The following SLCO6A1 variants were observed in gnomAD, a reference collection of about 807,000 sequenced individuals.
SLCO6A1 encodes solute carrier organic anion transporter family member 6A1, also known as cancer/testis antigen 48.
In SLCO6A1, 65 loss-of-function variants were observed where a neutral mutation model predicts 72.7. The observed-to-expected ratio is 0.89, with a 90% CI of 0.73 to 1.10. The LOEUF is 1.10. Ranked by LOEUF, SLCO6A1 falls within the 50% of genes least tolerant of loss-of-function variation. The probability of loss-of-function intolerance (pLI) is 0.00; values close to 1 mark genes in which losing one functional copy is unlikely to be tolerated. For missense variants in SLCO6A1, 874 were observed against 872.6 expected (o/e 1.00, Z -0.02); for synonymous variants, 314 against 298.2 (o/e 1.05, Z -0.55).
chr5:102,477,652 C>T lies in SLCO6A1; in HGVS notation c.802+24G>A, dbSNP rs181378264. ...CAAAGAAAACTCAAAATGGGTCAATCGTAATAGAGGGGGTAAAACTTGCCT... is the reference window on the plus strand; with the variant it reads ...CAAAGAAAACTCAAAATGGGTCAATTGTAATAGAGGGGGTAAAACTTGCCT... On this transcript the variant is annotated intron_variant, in intron 3 of 13. Transcript: ENST00000506729. The T allele has an allele frequency of 3.7e-4, 582 of 1,589,424 alleles. 4 individuals are homozygous for T. In the African/African-American group the frequency reaches 6.9e-3, roughly 19 times the overall value.
intron 4 of SLCO6A1, among the ~76,000 whole-genome samples, chr5:102,466,002 T>C (rs954978462): frequency 6.6e-6 from 1 of 152,138 alleles, no homozygotes; most frequent in Non-Finnish European, 1.5e-5. Context: ...TTATTTAGTA[T>C]TGGGCTTCTC....
Position 102,416,888 on chromosome 5 carries a change from C to A in SLCO6A1, c.1472+2938G>T, listed in dbSNP as rs562202699. 3.9e-5 allele frequency among the ~76,000 whole-genome samples: 6 copies of A among 152,198 alleles called. No homozygotes were observed. In the South Asian group the frequency reaches 1.2e-3, roughly 32 times the overall value. ...AAGACAGTTGGCAGTATGGTTCAAACCAGAATTTTTTGATCTACTTCTGAC... is the reference window on the plus strand; with the variant it reads ...AAGACAGTTGGCAGTATGGTTCAAAACAGAATTTTTTGATCTACTTCTGAC... On this transcript the variant is annotated intron_variant, in intron 8 of 13. Transcript: ENST00000506729.
chr5:102,434,033 T>C (rs1749368491), intron 7 of SLCO6A1, among the ~76,000 whole-genome samples: 1 of 152,058 alleles, frequency 6.6e-6, no homozygotes, highest in South Asian at 2.1e-4. Flanking sequence ...CTCTTGTTAG[T>C]AACATATATT....
chr5:102,413,291 C>A, intron 8 of SLCO6A1, 148 bp from the exon 9 acceptor site: 1 of 678,864 alleles, frequency 1.5e-6, no homozygotes, highest in Non-Finnish European at 2.3e-6. Flanking sequence ...GTACAATAGA[C>A]TGCACATACT....
At chr5:102,380,361 A>G (rs1746043325) in intron 12 of SLCO6A1, among the ~76,000 whole-genome samples, 1 of 152,052 alleles carries the variant, frequency 6.6e-6, no homozygotes, top group African/African-American at 2.4e-5. Context: ...TAGATGAGTC[A>G]TCCTAATTAA....
At chr5:102,476,739 T>C (rs562152059) in intron 3 of SLCO6A1, among the ~76,000 whole-genome samples, 4 of 152,054 alleles carry the variant, frequency 2.6e-5, no homozygotes, top group South Asian at 2.1e-4. Context: ...AAATATCTTA[T>C]TTTATTTAAT....
At chr5:102,426,056 G>A (rs1010227283) in intron 7 of SLCO6A1, among the ~76,000 whole-genome samples, 16 of 152,280 alleles carry the variant, frequency 1.1e-4, no homozygotes, top group South Asian at 6.2e-4. Flanking sequence ...TGGGAAGATT[G>A]GCTAGCCATA....
chr5:102,477,821 G>T lies in SLCO6A1; in HGVS notation c.657C>A (p.Ser219Arg), dbSNP rs1751986841. ...EEIKVVSGCQ[S>R]SGISFQSKYL... ...ATTTTGATTGGAATGATATACCACTGCTCTGGCAACCACTGACAACCTTTA... is the reference window on the plus strand; with the variant it reads ...ATTTTGATTGGAATGATATACCACTTCTCTGGCAACCACTGACAACCTTTA... The change falls in exon 3 of 14, where the codon AGC (serine) becomes AGA (arginine). Residue 219 changes from serine to arginine, a missense_variant. Ser to Arg is a moderately radical substitution (Grantham distance 110). Transcript: ENST00000506729. The T allele has an allele frequency of 6.2e-7, 1 of 1,612,216 alleles. No homozygotes were observed. Among genetic ancestry groups the T allele is most frequent in the Admixed American group, 1.7e-5 (1 of 59,706 alleles).
At chr5:102,458,516 T>G (rs983090050) in intron 5 of SLCO6A1, 25 bp from the exon 6 acceptor site, 1 of 1,524,234 alleles carries the variant, frequency 6.6e-7, no homozygotes, top group South Asian at 1.2e-5. Flanking sequence ...GTAAAAAAAC[T>G]TATGACATAT....
chr5:102,427,855 TATATA>T (rs1748987319), intron 7 of SLCO6A1, among the ~76,000 whole-genome samples: 1 of 121,452 alleles, frequency 8.2e-6, no homozygotes, highest in African/African-American at 4.4e-5. Flanking sequence ...CATATATATA[TATATA>T]TATATTTTTT....
At chr5:102,471,058 G>A (rs1948806) in intron 4 of SLCO6A1, among the ~76,000 whole-genome samples, 96,681 of 151,732 alleles carry the variant, frequency 0.64, 30,978 homozygotes, top group African/African-American at 0.66. Flanking sequence ...TTTTTCTTTC[G>A]TGAGTTGTTG....
At chr5:102,454,624 C>A (rs1170767764) in intron 6 of SLCO6A1, among the ~76,000 whole-genome samples, 1 of 151,492 alleles carries the variant, frequency 6.6e-6, no homozygotes, top group Non-Finnish European at 1.5e-5. Flanking sequence ...ATAATAAAAT[C>A]CTCCATTTCC....
chr5:102,486,574 T>A (rs193249028), intron 1 of SLCO6A1, among the ~76,000 whole-genome samples: 1 of 152,272 alleles, frequency 6.6e-6, no homozygotes, highest in East Asian at 1.9e-4. Context: ...GTCTATTGTT[T>A]CCAGGAGGCA....
intron 12 of SLCO6A1, among the ~76,000 whole-genome samples, chr5:102,381,106 T>A (rs561613419): frequency 1.3e-5 from 2 of 152,020 alleles, no homozygotes; most frequent in East Asian, 3.9e-4. Flanking sequence ...TTAAGTTCTA[T>A]TCCCTTGGCA....
chr5:102,488,493 A>T (rs955585573), intron 1 of SLCO6A1, among the ~76,000 whole-genome samples: 2 of 152,228 alleles, frequency 1.3e-5, no homozygotes, highest in Non-Finnish European at 2.9e-5. Flanking sequence ...TTACACTTCC[A>T]TTAATAGTAG....
chr5:102,390,266 A>G (rs1746682088), intron 11 of SLCO6A1, among the ~76,000 whole-genome samples: 1 of 152,184 alleles, frequency 6.6e-6, no homozygotes, highest in African/African-American at 2.4e-5. Context: ...CTCTTCCATT[A>G]CAAATCTCTT....
At chr5:102,471,263 C>T (rs141197271) in intron 4 of SLCO6A1, among the ~76,000 whole-genome samples, 72 of 152,134 alleles carry the variant, frequency 4.7e-4, no homozygotes, top group Admixed American at 1.2e-3. Flanking sequence ...CTCCTTACCA[C>T]CTATTTTCCA....
intron 6 of SLCO6A1, among the ~76,000 whole-genome samples, chr5:102,445,565 C>T (rs1366545636): frequency 5.9e-5 from 9 of 152,134 alleles, no homozygotes; most frequent in Admixed American, 2.6e-4. Flanking sequence ...CTGTGCAGAA[C>T]GCTTTAGTTT....
intron 7 of SLCO6A1, among the ~76,000 whole-genome samples, chr5:102,428,494 A>G (rs1749037838): frequency 6.6e-6 from 1 of 152,124 alleles, no homozygotes; most frequent in African/African-American, 2.4e-5. Context: ...ATAAGCTGCT[A>G]GAGGACATAT....
Sources: allele counts gnomAD v4.1 joint callset (sites outside exome capture counted in the v4.1 genomes callset), GRCh38; gene constraint gnomAD v4.1.1; transcripts MANE v1.5; gene names NCBI Gene and HGNC (gene_info 2026-07-23, HGNC 2026-07-21).